Variants in ACAN observed in about 807,000 individuals in gnomAD.
The protein encoded by ACAN is aggrecan core protein.
In ACAN, 47 loss-of-function variants were observed where a neutral mutation model predicts 169.1. That is an observed-to-expected ratio of 0.28 (90% CI 0.22 to 0.35). The LOEUF is 0.35. ACAN is among the 10% of genes least tolerant of loss of function. The pLI, the probability that ACAN is intolerant of heterozygous loss-of-function variation, is 1.00. For missense variants in ACAN, 2,716 were observed against 2,759.9 expected (o/e 0.98, Z 0.36); for synonymous variants, 1,115 against 1,112.2 (o/e 1.00, Z -0.05).
chr15:88,803,942 G>C (rs1014230766), intron 1 of ACAN, 133 bp downstream of exon 1: 15 of 152,300 alleles, frequency 9.8e-5, no homozygotes, highest in Admixed American at 9.8e-4. Context: ...TGTGTGCCGG[G>C]GGCGCAGCAC....
intron 1 of ACAN, among the ~76,000 whole-genome samples, chr15:88,824,684 G>A (rs2141526330): frequency 6.6e-6 from 1 of 152,246 alleles, no homozygotes; most frequent in East Asian, 1.9e-4. Context: ...TTCAAGAACA[G>A]CCTGGCCAGC....
Position 88,857,953 on chromosome 15 carries a change from T to A in ACAN, c.5368T>A (p.Ser1790Thr), listed in dbSNP as rs201149160. The A allele has an allele frequency of 2.2e-3, 3,495 of 1,613,738 alleles. 8 individuals carry two copies. The highest frequency in any genetic ancestry group is 2.7e-3 in the Non-Finnish European group (3,193 of 1,179,866). ...FGITDLSGET[S>T]GVPDLSGQPS... is the part of the protein sequence containing the mutation. ...CATAACTGATCTGAGTGGAGAAACA[T>A]CTGGGGTCCCTGATCTCAGTGGGCA... The change falls in exon 12 of 19, where the codon TCT (serine) becomes ACT (threonine). Residue 1790 changes from serine (S) to threonine (T), a missense_variant. Physicochemically the swap from Ser to Thr is moderately conservative, Grantham distance 58 (BLOSUM62 1). This residue lies in a region of ACAN where 1,389 missense variants were observed against 1,363.7 expected (regional missense o/e 1.02). Transcript: ENST00000560601.
In ACAN at chr15:88,857,630, G is replaced by T. The variant is rs1012015182; in HGVS notation, c.5045G>T (p.Gly1682Val). The T allele has an allele frequency of 6.2e-7, 1 of 1,614,026 alleles. No homozygotes were observed. Among genetic ancestry groups the T allele is most frequent in the Middle Eastern group, 1.6e-4 (1 of 6,062 alleles). Residue 1682 changes from glycine to valine, a missense_variant, in exon 12 of 19, where the codon GGA (glycine) becomes GTA (valine). This residue lies in a region of ACAN where 1,389 missense variants were observed against 1,363.7 expected (regional missense o/e 1.02). Transcript: ENST00000560601. ...ACTGCAAGTGAACTGGAAGGGAGGG[G>T]AACCATTGGCATCAGTGGTGCAGGA... Reference protein sequence around the residue: ...ASTASELEGRGTIGISGAGEI... With the variant: ...ASTASELEGRVTIGISGAGEI...
rs1423653685 is a variant in ACAN at position 88,857,250 on chromosome 15, A to G, written c.4665A>G (p.Leu1555=). 1.2e-6 allele frequency: 2 copies of G among 1,613,538 alleles called. No homozygotes were observed. The highest frequency in any genetic ancestry group is 1.7e-6 in the Non-Finnish European group (2 of 1,179,834). Reference sequence around the variant, plus strand: ...GACTTCCTTCTGGAGGAGAAGGTCTAGAGACCTCTGCTTCTGAAGTAGGGA... The same window carrying G: ...GACTTCCTTCTGGAGGAGAAGGTCTGGAGACCTCTGCTTCTGAAGTAGGGA... ...LSGLPSGGEG[L]ETSASEVGTD... The change falls in exon 12 of 19, where the codon CTA becomes CTG. Residue 1555 remains leucine, a synonymous_variant. Coordinates refer to ENST00000560601, the MANE Select transcript of ACAN (RefSeq NM_001369268.1).
At chr15:88,808,712 C>T (rs1044476235) in intron 1 of ACAN, among the ~76,000 whole-genome samples, 1 of 152,186 alleles carries the variant, frequency 6.6e-6, no homozygotes, top group Admixed American at 6.5e-5. Flanking sequence ...CGCCCACATA[C>T]ATGCACAATA....
rs529429744 is a variant in ACAN, at chr15:88,841,123, T to C, written c.630-617T>C. The stretch of plus-strand genomic sequence containing the variant: ...TCGCGCCACTGCACTCCAGCCTAGG[T>C]GACAGAGCGAGACTCCGTCTCAAAA... On this transcript the variant is annotated intron_variant, in intron 4 of 18. Transcript: ENST00000560601. Among the ~76,000 whole-genome samples, 76 of 152,326 alleles carry C rather than the reference T, an allele frequency of 5.0e-4. 1 individual carries two copies. The East Asian group carries it at 8.3e-3, about 17-fold the overall frequency.
chr15:88,845,911 G>T, intron 7 of ACAN, 29 bp downstream of exon 7: 1 of 1,440,376 alleles, frequency 6.9e-7, no homozygotes, highest in Admixed American at 2.9e-5. Flanking sequence ...GTGCATCCAG[G>T]GGCAGGTGGA....
intron 1 of ACAN, among the ~76,000 whole-genome samples, chr15:88,828,866 C>T (rs906500314): frequency 9.9e-5 from 15 of 152,184 alleles, no homozygotes; most frequent in Admixed American, 7.2e-4. Flanking sequence ...GACCCAGAGC[C>T]GACTCACTCA....
chr15:88,845,641 C>A lies in ACAN; in HGVS notation c.1188C>A (p.Ser396Arg). The change falls in exon 7 of 19, where the codon AGC becomes AGA. Residue 396 changes from serine to arginine, a missense_variant. Transcript: ENST00000560601. ...TCACTGAGGGTGAAGCCCGAGGCAG[C>A]GTGATCCTTACCGTAAAGCCCATCT... Reference protein sequence around the residue: ...RNITEGEARGSVILTVKPIFE... With the variant: ...RNITEGEARGRVILTVKPIFE... 1 of 1,614,062 alleles carries A rather than the reference C, an allele frequency of 6.2e-7. No individual in the cohort carries two copies. The highest frequency in any genetic ancestry group is 8.5e-7 in the Non-Finnish European group (1 of 1,179,910).
Position 88,859,427 on chromosome 15 carries a change from T to C in ACAN, c.6832+10T>C, listed in dbSNP as rs1897147661. On this transcript the variant is annotated intron_variant, in intron 12 of 18. Coordinates refer to ENST00000560601, the MANE Select transcript of ACAN (RefSeq NM_001369268.1). ...GAATCAACTGCTGCAGGTATTGTGA[T>C]TTTTTCCCCCTTTAAATGTGCTTAG... 1.3e-6 allele frequency: 2 copies of C among 1,552,404 alleles called. No homozygotes were observed. The highest frequency in any genetic ancestry group is 2.7e-5 in the African/African-American group (2 of 73,118).
intron 11 of ACAN, among the ~76,000 whole-genome samples, chr15:88,852,622 G>A (rs1896956182): frequency 6.6e-6 from 1 of 152,174 alleles, no homozygotes; most frequent in African/African-American, 2.4e-5. Flanking sequence ...CTAAAGTTTG[G>A]GAAATGCTGG....
At chr15:88,805,947 C>A (rs974890610) in intron 1 of ACAN, among the ~76,000 whole-genome samples, 4 of 152,146 alleles carry the variant, frequency 2.6e-5, no homozygotes, top group African/African-American at 9.7e-5. Context: ...TCCTCTTATG[C>A]CCCCTCCCCA....
At position 88,856,964 on chromosome 15, in the gene ACAN, C is replaced by T; in HGVS notation, c.4379C>T (p.Ser1460Phe). 1.2e-6 allele frequency: 2 copies of T among 1,613,412 alleles called. No homozygotes were observed. The highest frequency in any genetic ancestry group is 8.5e-7 in the Non-Finnish European group (1 of 1,179,688). Residue 1460 changes from serine to phenylalanine, a missense_variant, in exon 12 of 19, where the codon TCT (serine) becomes TTT (phenylalanine). Physicochemically the swap from Ser to Phe is radical, Grantham distance 155. This residue lies in a region of ACAN where 1,389 missense variants were observed against 1,363.7 expected (regional missense o/e 1.02). Coordinates refer to ENST00000560601, the MANE Select transcript of ACAN (RefSeq NM_001369268.1). Reference sequence around the variant, plus strand: ...CCTTCTGGAGAAGTTCTAGAGACTTCTACCTCTGCGGTAGGGGACCTCAGT... The same window carrying T: ...CCTTCTGGAGAAGTTCTAGAGACTTTTACCTCTGCGGTAGGGGACCTCAGT... ...GLPSGEVLET[S>F]TSAVGDLSGL...
At position 88,838,894 on chromosome 15, in the gene ACAN, A is replaced by G. The variant is rs1185203543; in HGVS notation, c.302A>G (p.Gln101Arg). The change falls in exon 3 of 19, where the codon CAG (glutamine) becomes CGG (arginine). Residue 101 changes from glutamine to arginine, a missense_variant. By Grantham distance (43) the Gln-to-Arg change is conservative (BLOSUM62 1). Coordinates refer to ENST00000560601, the MANE Select transcript of ACAN (RefSeq NM_001369268.1). The surrounding 1 kb of genome is among the most constrained non-coding windows in gnomAD (Gnocchi z 5.1). The stretch of plus-strand genomic sequence containing the variant: ...CGCGTGCGGGTCAACAGTGCCTATC[A>G]GGACAAGGTCTCACTGCCCAACTAC... The part of the protein sequence containing the change: ...EGRVRVNSAY[Q>R]DKVSLPNYPA... The G allele has an allele frequency of 6.2e-7, 1 of 1,614,056 alleles. No individual in the cohort carries two copies. The highest frequency in any genetic ancestry group is 1.3e-5 in the African/African-American group (1 of 75,066).
At chr15:88,841,160 T>C (rs949120572) in intron 4 of ACAN, among the ~76,000 whole-genome samples, 20 of 152,186 alleles carry the variant, frequency 1.3e-4, no homozygotes, top group African/African-American at 3.9e-4. Flanking sequence ...ATAAAAGAAC[T>C]GTACTCAAAT....
In ACAN at chr15:88,849,170, C is replaced by T. The variant is rs962811272; in HGVS notation, c.1733-268C>T. 6.6e-6 allele frequency among the ~76,000 whole-genome samples: 1 copy of T among 152,166 alleles called. No homozygotes were observed. The highest frequency in any genetic ancestry group is 1.5e-5 in the Non-Finnish European group (1 of 68,038). On this transcript the variant is annotated intron_variant, in intron 9 of 18. Transcript: ENST00000560601. The surrounding 1 kb of genome is among the most constrained non-coding windows in gnomAD (Gnocchi z 5.1). ...AGGAGAAGTTGTTGTGGAAACAACT[C>T]AGCCCAGTTTTACGGGAATTTTGCC...
chr15:88,874,394 T>C lies in ACAN; in HGVS notation c.7631-11T>C, dbSNP rs1596158666. On this transcript the variant is annotated splice_polypyrimidine_tract_variant and intron_variant, in intron 18 of 18. Coordinates refer to ENST00000560601, the MANE Select transcript of ACAN (RefSeq NM_001369268.1). This position sits in a 1 kb window ranked among gnomAD's most constrained non-coding sequence, Gnocchi z 7.3. Reference sequence around the variant, plus strand: ...GTCCACTGATATCTTTCCATCTCCCTTTCGTCCTAGCCACCACCTACAAAC... The same window carrying C: ...GTCCACTGATATCTTTCCATCTCCCCTTCGTCCTAGCCACCACCTACAAAC... The C allele has an allele frequency of 1.9e-6, 3 of 1,595,408 alleles. No individual in the cohort carries two copies. Among genetic ancestry groups the C allele is most frequent in the Non-Finnish European group, 2.6e-6 (3 of 1,171,208 alleles).
Position 88,834,381 on chromosome 15 carries a change from C to T in ACAN, c.-7-1819C>T, listed in dbSNP as rs142199072. On this transcript the variant is annotated intron_variant, in intron 1 of 18. Transcript: ENST00000560601. ...GTCCTGGGCCCACCCTGCCCCTGCC[C>T]CTGGCATTCCTGGATGGGAACACCA... 1.1e-3 allele frequency among the ~76,000 whole-genome samples: 174 copies of T among 152,330 alleles called. 1 individual carries two copies. Among genetic ancestry groups the T allele is most frequent in the Admixed American group, 3.7e-3 (57 of 15,306 alleles).
rs141628105 is a variant in ACAN, at chr15:88,849,684, C to T, written c.1979C>T (p.Thr660Met). 98 of 1,613,822 alleles carry T rather than the reference C, an allele frequency of 6.1e-5. No homozygotes were observed. In the East Asian group the frequency reaches 1.8e-3, roughly 29 times the overall value. Residue 660 changes from threonine (T) to methionine (M), a missense_variant, in exon 10 of 19, where the codon ACG (threonine) becomes ATG (methionine). Thr to Met is a moderately conservative substitution (Grantham distance 81). Around this residue, in one of 3 missense-constraint regions of ACAN, gnomAD observed 1,283 missense variants for 1,281.5 expected, o/e 1.00. Transcript: ENST00000560601. This position sits in a 1 kb window ranked among gnomAD's most constrained non-coding sequence, Gnocchi z 5.1. Reference protein sequence around the residue: ...VRTVYLYPNQTGLPDPLSRHH... With the variant: ...VRTVYLYPNQMGLPDPLSRHH... ...ACGGTCTACCTCTACCCTAACCAGA[C>T]GGGCCTCCCAGACCCACTGTCCCGG...
Sources: allele counts gnomAD v4.1 joint callset (sites outside exome capture counted in the v4.1 genomes callset), GRCh38; gene constraint gnomAD v4.1.1; regional missense constraint gnomAD v4.1.1; non-coding constraint Gnocchi (gnomAD v3.1); transcripts MANE v1.5; gene names NCBI Gene and HGNC (gene_info 2026-07-23, HGNC 2026-07-21).